The following AP2A2 variants were observed in gnomAD, a reference collection of about 807,000 sequenced individuals.
AP2A2 encodes the protein AP-2 complex subunit alpha-2.
A neutral mutation model predicts 104.2 loss-of-function variants in AP2A2; 32 were observed. The ratio of observed to expected loss-of-function variants is 0.31; its 90% CI spans 0.23 to 0.41. The LOEUF (loss-of-function observed/expected upper bound fraction) is 0.41. Among genes scored for constraint, AP2A2 ranks in the 10% least tolerant of loss-of-function variants. The probability of loss-of-function intolerance (pLI) is 1.00; values close to 1 mark genes in which losing one functional copy is unlikely to be tolerated. For missense variants in AP2A2, 912 were observed against 1,261.0 expected (o/e 0.72, Z 4.19); for synonymous variants, 539 against 533.3 (o/e 1.01, Z -0.15).
At chr11:1,004,170 G>A (rs1234244383) in intron 16 of AP2A2, among the ~76,000 whole-genome samples, 1 of 152,186 alleles carries the variant, frequency 6.6e-6, no homozygotes, top group Admixed American at 6.5e-5. Context: ...CCTCCAGGAT[G>A]GCTGTTAGAA....
rs973250464 is a variant in AP2A2 at position 1,009,472 on chromosome 11, CG to C, written c.2607+79del. 2.7e-6 allele frequency: 4 copies of C among 1,462,300 alleles called. No individual in the cohort carries two copies. The Admixed American group carries it at 7.4e-5, about 27-fold the overall frequency. 90.6% of individuals were successfully genotyped at this position (1,462,300 alleles called of 1,614,324 possible). A position where few individuals can be genotyped will look rare whatever the true frequency, so the allele number is the denominator to read the frequency against. ...GCGCCAGGGTCTGGAGGGACGGCCC[CG>C]GGGAACACGCAGCCCATGACCCCGC... On this transcript the variant is annotated intron_variant, in intron 20 of 21. Transcript: ENST00000448903.
At chr11:934,230 C>T (rs184928062) in intron 1 of AP2A2, among the ~76,000 whole-genome samples, 3 of 152,088 alleles carry the variant, frequency 2.0e-5, no homozygotes, top group African/African-American at 4.8e-5. Context: ...CACTTCTAGC[C>T]GGGGGTTTGG....
intron 7 of AP2A2, 109 bp from the exon 8 acceptor site, chr11:985,326 A>C (rs1244314541): frequency 7.3e-7 from 1 of 1,378,404 alleles, no homozygotes; most frequent in Admixed American, 2.3e-5. Flanking sequence ...CACAAATGTG[A>C]ATGAACTATA....
intron 4 of AP2A2, among the ~76,000 whole-genome samples, chr11:973,536 A>G (rs1854905866): frequency 6.6e-6 from 1 of 152,102 alleles, no homozygotes; most frequent in South Asian, 2.1e-4. Flanking sequence ...ACAGGAGCAG[A>G]ACCACCGAGC....
At chr11:981,917 G>A (rs1435003558) in intron 6 of AP2A2, among the ~76,000 whole-genome samples, 1 of 152,270 alleles carries the variant, frequency 6.6e-6, no homozygotes, top group Non-Finnish European at 1.5e-5. Context: ...GAGGAGACTG[G>A]CGTTGCCAGA....
intron 1 of AP2A2, among the ~76,000 whole-genome samples, chr11:950,806 T>TA (rs745905292): frequency 6.6e-5 from 10 of 152,112 alleles, no homozygotes; most frequent in Non-Finnish European, 1.0e-4. Context: ...GATGAAGTGT[T>TA]AGGGGCTGCG....
intron 1 of AP2A2, among the ~76,000 whole-genome samples, chr11:937,668 T>C (rs1167725053): frequency 6.6e-6 from 1 of 152,164 alleles, no homozygotes; most frequent in African/African-American, 2.4e-5. Flanking sequence ...ACAAACCCTA[T>C]GTATAAAAAA....
rs770625481 is a variant in AP2A2 at position 1,011,135 on chromosome 11, T to TG, written c.*511dup. The TG allele has an allele frequency of 1.8e-6, 1 of 565,006 alleles. No individual in the cohort carries two copies. Among genetic ancestry groups the TG allele is most frequent in the Non-Finnish European group, 3.4e-6 (1 of 290,534 alleles). 35.0% of individuals were successfully genotyped at this position (565,006 alleles called of 1,614,324 possible). ...GGTTTTGCTGCAGTCCCAGCTGGAC[T>TG]GTTTTCCCAGGCAGGATTTTAATCT... On this transcript the variant is annotated 3_prime_UTR_variant, in exon 22 of 22. Transcript: ENST00000448903.
intron 1 of AP2A2, among the ~76,000 whole-genome samples, chr11:954,764 T>G (rs1317376622): frequency 6.6e-6 from 1 of 151,938 alleles, no homozygotes; most frequent in Non-Finnish European, 1.5e-5. Flanking sequence ...TGTTGAAAAT[T>G]GGGCAATTAA....
Position 1,002,989 on chromosome 11 carries a change from C to T in AP2A2, c.2124-733C>T, listed in dbSNP as rs1002399983. 6.6e-5 allele frequency among the ~76,000 whole-genome samples: 10 copies of T among 152,262 alleles called. 1 individual carries two copies. The highest frequency in any genetic ancestry group is 3.9e-4 in the Admixed American group (6 of 15,292). On this transcript the variant is annotated intron_variant, in intron 15 of 21. Coordinates refer to ENST00000448903, the MANE Select transcript of AP2A2 (RefSeq NM_012305.4). ...GGGTTCACCCAGGAGCCCTGTGCCA[C>T]TGCCCCGCCTCCCTCTCCTCTCTTT...
intron 1 of AP2A2, among the ~76,000 whole-genome samples, chr11:927,816 C>A (rs1039162736): frequency 2.5e-3 from 169 of 68,818 alleles, no homozygotes; most frequent in South Asian, 3.6e-3. Context: ...ACCTTTCTCA[C>A]AAAAAAAAAA....
chr11:998,779 T>C (rs754757072), intron 14 of AP2A2, among the ~76,000 whole-genome samples: 2 of 152,086 alleles, frequency 1.3e-5, no homozygotes, highest in Non-Finnish European at 2.9e-5. Flanking sequence ...CTCACTGCAA[T>C]CTCCGCCTCC....
At chr11:940,336 T>C (rs897529978) in intron 1 of AP2A2, among the ~76,000 whole-genome samples, 1 of 152,240 alleles carries the variant, frequency 6.6e-6, no homozygotes. Flanking sequence ...TTTTGGGCTC[T>C]AGTGGAAAAT....
chr11:995,898 T>C (rs1253491337), intron 14 of AP2A2, among the ~76,000 whole-genome samples: 1 of 150,278 alleles, frequency 6.7e-6, no homozygotes, highest in Non-Finnish European at 1.5e-5. Context: ...GAATGAAAGA[T>C]GTGACTCTTT....
At chr11:974,682 CAAA>C (rs747053947) in intron 4 of AP2A2, among the ~76,000 whole-genome samples, 36 of 49,612 alleles carry the variant, frequency 7.3e-4, no homozygotes, top group African/African-American at 1.9e-3. Context: ...GACTCTGTCT[CAAA>C]AAAAAAAAAA....
At chr11:978,940 G>A (rs961574612) in intron 5 of AP2A2, among the ~76,000 whole-genome samples, 5 of 152,156 alleles carry the variant, frequency 3.3e-5, no homozygotes, top group Admixed American at 6.5e-5. Context: ...CATGGGCACC[G>A]TGCCGAGCCT....
chr11:1,008,672 A>G, intron 18 of AP2A2: 1 of 226,598 alleles, frequency 4.4e-6, no homozygotes, highest in Non-Finnish European at 8.6e-6. Flanking sequence ...CTGCAAGGTT[A>G]GGAATGTTGA....
At chr11:945,277 G>C (rs534748445) in intron 1 of AP2A2, among the ~76,000 whole-genome samples, 5 of 152,262 alleles carry the variant, frequency 3.3e-5, no homozygotes, top group African/African-American at 9.6e-5. Flanking sequence ...CCAGATGGTA[G>C]GACCTCCTGT....
At chr11:948,758 T>G (rs1853936928) in intron 1 of AP2A2, among the ~76,000 whole-genome samples, 1 of 151,978 alleles carries the variant, frequency 6.6e-6, no homozygotes, top group South Asian at 2.1e-4. Flanking sequence ...TCCCAGCTAC[T>G]TGGGAGGCTG....
Sources: allele counts gnomAD v4.1 joint callset (sites outside exome capture counted in the v4.1 genomes callset), GRCh38; gene constraint gnomAD v4.1.1; transcripts MANE v1.5; gene names NCBI Gene and HGNC (gene_info 2026-07-23, HGNC 2026-07-21).